CDH16: variants seen among roughly 807,000 people sequenced by gnomAD.
The protein encoded by CDH16 is cadherin-16.
Under a neutral mutation model 87.6 loss-of-function variants are expected in CDH16, and 79 were observed. The ratio of observed to expected loss-of-function variants is 0.90; its 90% confidence interval spans 0.75 to 1.09. The LOEUF is 1.09. Ranked by LOEUF, CDH16 falls within the 50% of genes least tolerant of loss-of-function variation. CDH16 has a pLI of 0.00. For synonymous variants in CDH16, 457 were observed against 439.5 expected (o/e 1.04, Z -0.50); for missense variants, 1,124 against 1,071.7 (o/e 1.05, Z -0.68).
chr16:66,918,197 G>T (rs1962773949), intron 1 of CDH16, 119 bp from the exon 2 acceptor site: 2 of 658,342 alleles, frequency 3.0e-6, no homozygotes, highest in Non-Finnish European at 4.8e-6. Context: ...CTCCAAAGGA[G>T]CTGAGGCTCT....
chr16:66,914,272 C>T lies in CDH16; in HGVS notation c.724G>A (p.Glu242Lys), dbSNP rs1214839099. 1 of 1,614,206 alleles carries T rather than the reference C, an allele frequency of 6.2e-7. No individual in the cohort carries two copies. The highest frequency in any genetic ancestry group is 1.7e-5 in the Admixed American group (1 of 60,024). Reference sequence around the variant, plus strand: ...AGATTCTCTGCCAGGTGGATAGGCTCTAGGGACACCCAGGTGCTCTCTATG... The same window carrying T: ...AGATTCTCTGCCAGGTGGATAGGCTTTAGGGACACCCAGGTGCTCTCTATG... The part of the protein sequence containing the change: ...SIIESTWVSL[E>K]PIHLAENLKV... Residue 242 changes from glutamate (E) to lysine (K), a missense_variant, in exon 7 of 18, where the codon GAG (glutamate) becomes AAG (lysine). Glu to Lys is a moderately conservative substitution (Grantham distance 56). Coordinates refer to ENST00000299752, the MANE Select transcript of CDH16 (RefSeq NM_004062.4).
chr16:66,913,373 C>T, intron 8 of CDH16, 92 bp from the exon 9 acceptor site: 1 of 1,559,974 alleles, frequency 6.4e-7, no homozygotes, highest in Non-Finnish European at 8.7e-7. Context: ...CCAGCTCCAG[C>T]TCTTCGGGGC....
At chr16:66,917,112 C>G (rs1282024875) in intron 3 of CDH16, among the ~76,000 whole-genome samples, 3 of 149,476 alleles carry the variant, frequency 2.0e-5, no homozygotes, top group Non-Finnish European at 4.4e-5. Context: ...ATGGCGAAAC[C>G]CTGTCTCTAC....
chr16:66,915,551 A>T, intron 5 of CDH16, 173 bp from the exon 6 acceptor site: 1 of 683,028 alleles, frequency 1.5e-6, no homozygotes, highest in South Asian at 2.0e-5. Flanking sequence ...GAAGCCAAGA[A>T]TGGATGGCAC....
At position 66,909,372 on chromosome 16, in the gene CDH16, G is replaced by A. The variant is rs753103330; in HGVS notation, c.2287C>T (p.Arg763Cys). 14 of 1,336,546 alleles carry A rather than the reference G, an allele frequency of 1.0e-5. No homozygotes were observed. Among genetic ancestry groups the A allele is most frequent in the Middle Eastern group, 2.1e-4 (1 of 4,766 alleles). 82.8% of individuals were successfully genotyped at this position (1,336,546 alleles called of 1,614,324 possible). The change falls in exon 17 of 18, where the codon CGC becomes TGC. Residue 763 changes from arginine (R) to cysteine (C), a missense_variant. Coordinates refer to ENST00000299752, the MANE Select transcript of CDH16 (RefSeq NM_004062.4). This position sits in a 1 kb window ranked among gnomAD's most constrained non-coding sequence, Gnocchi z 4.1. The stretch of plus-strand genomic sequence containing the variant: ...ATGCACTGCCCCTCCACGTTGCAGC[G>A]ACACACGATCACTGAGGGGAGAGGG... Reference protein sequence around the residue: ...WQLLVRVIVCRCNVEGQCMRK... With the variant: ...WQLLVRVIVCCCNVEGQCMRK...
rs746331988 is a variant in CDH16, at chr16:66,910,351, G to A, written c.2076C>T (p.Asp692=). 3 of 1,613,902 alleles carry A rather than the reference G, an allele frequency of 1.9e-6. No individual in the cohort carries two copies. The highest frequency in any genetic ancestry group is 2.2e-5 in the South Asian group (2 of 91,022). Residue 692 remains aspartate (D), a synonymous_variant, in exon 15 of 18, where the codon GAC becomes GAT. Transcript: ENST00000299752. The part of the protein sequence containing the change: ...HGLIVSGPSK[D]PDLASGHGPY... ...GACCGTGCCCACTGGCCAGATCGGG[G>A]TCCTTGCTGGGTCCACTCACGATCA...
At chr16:66,915,483 C>T (rs1962639240) in intron 5 of CDH16, 105 bp from the exon 6 acceptor site, 1 of 1,284,084 alleles carries the variant, frequency 7.8e-7, no homozygotes, top group African/African-American at 1.5e-5. Flanking sequence ...TCCATTATCA[C>T]ATCAGGACTC....
At position 66,908,552 on chromosome 16, in the gene CDH16, G is replaced by C. The variant is rs1052839923; in HGVS notation, c.2393-63C>G. 8.7e-6 allele frequency: 11 copies of C among 1,259,788 alleles called. No individual in the cohort carries two copies. In the African/African-American group the frequency reaches 1.3e-4, roughly 15 times the overall value. 78.0% of individuals were successfully genotyped at this position (1,259,788 alleles called of 1,614,324 possible). On this transcript the variant is annotated intron_variant, in intron 17 of 17. Transcript: ENST00000299752. Reference sequence around the variant, plus strand: ...GGGCTGTGGGACTTGTTCATCACGAGGGACTTCCTGTGATTGGCATTGGAT... The same window carrying C: ...GGGCTGTGGGACTTGTTCATCACGACGGACTTCCTGTGATTGGCATTGGAT...
In CDH16 at chr16:66,909,131, G is replaced by A. The variant is rs1055344298; in HGVS notation, c.2392+136C>T. 7.2e-6 allele frequency: 5 copies of A among 690,540 alleles called. No homozygotes were observed. The highest frequency in any genetic ancestry group is 5.4e-5 in the East Asian group (2 of 37,030). The allele number at this position is 690,540 out of a possible 1,614,324, so 42.8% of individuals were successfully genotyped here. The stretch of plus-strand genomic sequence containing the variant: ...CAATGACTATGATCAAAGGGCAGGC[G>A]CATAATGACTAGGAGAGTTGGGGGC... On this transcript the variant is annotated intron_variant, in intron 17 of 17. Transcript: ENST00000299752. This position sits in a 1 kb window ranked among gnomAD's most constrained non-coding sequence, Gnocchi z 4.1.
rs751629467 is a variant in CDH16 at position 66,911,895 on chromosome 16, T to C, written c.1790+4A>G. 5 of 1,583,156 alleles carry C rather than the reference T, an allele frequency of 3.2e-6. No individual in the cohort carries two copies. Among genetic ancestry groups the C allele is most frequent in the Admixed American group, 3.4e-5 (2 of 58,298 alleles). ...CCAGGTAAGGGGCTGGGATTTTAGC[T>C]CACCTGAGGGTTCGGCTGATGGGGT... On this transcript the variant is annotated splice_donor_region_variant and intron_variant, in intron 13 of 17. Coordinates refer to ENST00000299752, the MANE Select transcript of CDH16 (RefSeq NM_004062.4).
At chr16:66,913,057 G>T (rs1962504302) in intron 9 of CDH16, 74 bp downstream of exon 9, 1 of 1,508,150 alleles carries the variant, frequency 6.6e-7, no homozygotes, top group Non-Finnish European at 9.0e-7. Context: ...GCCTGAGGCT[G>T]GGTCCTTATC....
intron 12 of CDH16, 27 bp downstream of exon 12, chr16:66,912,215 C>A: frequency 6.3e-7 from 1 of 1,599,464 alleles, no homozygotes; most frequent in Non-Finnish European, 8.5e-7. Flanking sequence ...ATGTGTGGGC[C>A]CCTTTCCCAG....
rs1962740959 is a variant in CDH16, at chr16:66,917,649, A to G, written c.122T>C (p.Leu41Pro). 2.5e-6 allele frequency: 4 copies of G among 1,612,452 alleles called. No individual in the cohort carries two copies. The African/African-American group carries it at 4.0e-5, about 16-fold the overall frequency. ...ENYGGNFPLYLTKLPLPREGA... is the reference protein window; with the variant it reads ...ENYGGNFPLYPTKLPLPREGA... ...CCCAGCTCTCCGGCTCACCTTGGTC[A>G]GGTATAAAGGGAAATTTCCACCATA... The change falls in exon 3 of 18, where the codon CTG (leucine) becomes CCG (proline). Residue 41 changes from leucine to proline, a missense_variant. Leu to Pro is a moderately conservative substitution (Grantham distance 98, BLOSUM62 -3). Coordinates refer to ENST00000299752, the MANE Select transcript of CDH16 (RefSeq NM_004062.4).
intron 13 of CDH16, 88 bp downstream of exon 13, chr16:66,911,811 A>G: frequency 6.9e-7 from 1 of 1,457,994 alleles, no homozygotes; most frequent in Non-Finnish European, 9.2e-7. Context: ...CAGGCCACAG[A>G]TAATGTGAGT....
rs767959786 is a variant in CDH16, at chr16:66,913,572, G to A, written c.822C>T (p.Ser274=). Residue 274 remains serine, a synonymous_variant, in exon 8 of 18, where the codon AGC becomes AGT. Transcript: ENST00000299752. ...TCACTTCAAAGGGTCCCGGGGGATG[G>A]CTCTCCAGGTGATAGTGCACATCAC... ...SGGDVHYHLE[S]HPPGPFEVNA... 5 of 1,614,126 alleles carry A rather than the reference G, an allele frequency of 3.1e-6. No homozygotes were observed. Among genetic ancestry groups the A allele is most frequent in the Non-Finnish European group, 4.2e-6 (5 of 1,179,974 alleles).
chr16:66,910,114 G>T, intron 15 of CDH16, 21 bp from the exon 16 acceptor site: 1 of 1,599,794 alleles, frequency 6.3e-7, no homozygotes, highest in Non-Finnish European at 8.5e-7. Context: ...AGCAGGCAAA[G>T]ACCAGGGTCA....
intron 14 of CDH16, chr16:66,910,878 G>T: frequency 2.6e-6 from 1 of 385,260 alleles, no homozygotes; most frequent in Non-Finnish European, 4.6e-6. Flanking sequence ...CCACCTCCCC[G>T]GCCCTATACC....
At chr16:66,918,295 A>G (rs1464168074) in intron 1 of CDH16, among the ~76,000 whole-genome samples, 4 of 152,216 alleles carry the variant, frequency 2.6e-5, no homozygotes, top group African/African-American at 7.2e-5. Context: ...CTCTTGGTCC[A>G]TCAAGCACTC....
At chr16:66,911,840 G>T (rs371115964) in intron 13 of CDH16, 59 bp downstream of exon 13, 1 of 1,517,590 alleles carries the variant, frequency 6.6e-7, no homozygotes, top group South Asian at 1.3e-5. Flanking sequence ...AGGCCCTGGG[G>T]TCATCCCCAG....
Sources: allele counts gnomAD v4.1 joint callset (sites outside exome capture counted in the v4.1 genomes callset), GRCh38; gene constraint gnomAD v4.1.1; non-coding constraint Gnocchi (gnomAD v3.1); transcripts MANE v1.5; gene names NCBI Gene and HGNC (gene_info 2026-07-23, HGNC 2026-07-21).